Variants in OOSP2 observed in about 807,000 individuals in gnomAD.
OOSP2 encodes the protein oocyte secreted protein 2.
In OOSP2, 7 loss-of-function variants were observed where a neutral mutation model predicts 13.4. That is an observed-to-expected ratio of 0.52 (90% CI 0.30 to 0.98). The LOEUF is 0.98. Among genes scored for constraint, OOSP2 ranks in the 50% least tolerant of loss-of-function variants. The pLI, the probability that OOSP2 is intolerant of heterozygous loss-of-function variation, is 0.07. For missense variants in OOSP2, 184 were observed against 188.5 expected (o/e 0.98, Z 0.14); for synonymous variants, 75 against 67.2 (o/e 1.12, Z -0.57).
rs1046199866 is a variant in OOSP2, at chr11:60,047,779, C to T, written c.*706C>T. ...AAAGAGTTATCCTGCCACCTAAGAG[C>T]ATTCATTAAATGATTATTTATTACC... On this transcript the variant is annotated 3_prime_UTR_variant, in exon 4 of 4. Coordinates refer to ENST00000278855, the MANE Select transcript of OOSP2 (RefSeq NM_173801.5). 3 of 152,136 alleles carry T rather than the reference C, an allele frequency of 2.0e-5. No individual in the cohort carries two copies. Among genetic ancestry groups the T allele is most frequent in the African/African-American group, 7.2e-5 (3 of 41,440 alleles). The allele number at this position is 152,136 out of a possible 1,614,324, so 9.4% of individuals were successfully genotyped here.
rs28438543 is a variant in OOSP2, at chr11:60,042,138, A to C, written c.65-1331A>C. Among the ~76,000 whole-genome samples, 1,418 of 151,866 alleles carry C rather than the reference A, an allele frequency of 9.3e-3. 35 individuals are homozygous for C. Among genetic ancestry groups the C allele is most frequent in the East Asian group, 7.2e-3 (37 of 5,144 alleles). On this transcript the variant is annotated intron_variant, in intron 1 of 3. Coordinates refer to ENST00000278855, the MANE Select transcript of OOSP2 (RefSeq NM_173801.5). ...CGTCTCAAAACAAACAAACAAAAAAACCCCCCCAAAACTCGACTTTCTAAT... is the reference window on the plus strand; with the variant it reads ...CGTCTCAAAACAAACAAACAAAAAACCCCCCCCAAAACTCGACTTTCTAAT...
chr11:60,043,119 C>T (rs371140193), intron 1 of OOSP2, among the ~76,000 whole-genome samples: 265 of 151,994 alleles, frequency 1.7e-3, no homozygotes, highest in Middle Eastern at 6.8e-3. Flanking sequence ...TTAGCCAGGA[C>T]GGTCTCGATC....
intron 3 of OOSP2, 188 bp from the exon 4 acceptor site, chr11:60,046,756 C>A (rs761070334): frequency 5.6e-6 from 4 of 710,426 alleles, no homozygotes; most frequent in Admixed American, 3.8e-5. Flanking sequence ...GGAATTAGTT[C>A]TTCTGTAAGC....
intron 2 of OOSP2, 60 bp from the exon 3 acceptor site, chr11:60,044,611 T>G (rs1854985571): frequency 1.4e-6 from 1 of 737,780 alleles, no homozygotes. Context: ...CCTATTCAAG[T>G]GTGTGTATTC....
chr11:60,043,477 A>G lies in OOSP2; in HGVS notation c.73A>G (p.Ser25Gly). Reference protein sequence around the residue: ...TGAENLHVKISCSLDWLMVSV... With the variant: ...TGAENLHVKIGCSLDWLMVSV... ...TATGGTTCTTTCCACAGTGAAAATA[A>G]GTTGCTCTCTGGACTGGTTGATGGT... is the stretch of plus-strand genomic sequence containing the variant. Residue 25 changes from serine to glycine, a missense_variant, in exon 2 of 4, where the codon AGT (serine) becomes GGT (glycine). By Grantham distance (56) the Ser-to-Gly change is moderately conservative. Transcript: ENST00000278855. 1.9e-6 allele frequency: 3 copies of G among 1,610,414 alleles called. No homozygotes were observed. Among genetic ancestry groups the G allele is most frequent in the Non-Finnish European group, 2.5e-6 (3 of 1,176,902 alleles).
rs1478859895 is a variant in OOSP2, at chr11:60,047,373, T to A, written c.*300T>A. On this transcript the variant is annotated 3_prime_UTR_variant, in exon 4 of 4. Transcript: ENST00000278855. The stretch of plus-strand genomic sequence containing the variant: ...GAAATATGTCTTCAAAGACAATGAC[T>A]TGATCTAATTGATAAGAACCTCCAA... 1 of 182,802 alleles carries A rather than the reference T, an allele frequency of 5.5e-6. No homozygotes were observed. Among genetic ancestry groups the A allele is most frequent in the Admixed American group, 6.0e-5 (1 of 16,720 alleles). 11.3% of individuals were successfully genotyped at this position (182,802 alleles called of 1,614,324 possible).
intron 3 of OOSP2, among the ~76,000 whole-genome samples, chr11:60,046,419 T>C (rs1855009119): frequency 6.6e-6 from 1 of 151,140 alleles, no homozygotes; most frequent in Admixed American, 6.7e-5. Flanking sequence ...TAGTAACTAC[T>C]ATGTTGCTTG....
chr11:60,042,263 T>C (rs1192465607), intron 1 of OOSP2, among the ~76,000 whole-genome samples: 1 of 152,246 alleles, frequency 6.6e-6, no homozygotes, highest in Non-Finnish European at 1.5e-5. Flanking sequence ...GCTGCTGGAA[T>C]TTATTTTCCT....
In OOSP2 at chr11:60,040,441, T is replaced by C; in HGVS notation, c.-19T>C. ...CCTGAGTTGTCCTGTGCTGGAGGTCTGCTCAGACGAAGGTCTCCATGGCGT... is the reference window on the plus strand; with the variant it reads ...CCTGAGTTGTCCTGTGCTGGAGGTCCGCTCAGACGAAGGTCTCCATGGCGT... On this transcript the variant is annotated 5_prime_UTR_variant, in exon 1 of 4. Transcript: ENST00000278855. 3.9e-6 allele frequency: 6 copies of C among 1,521,500 alleles called. No homozygotes were observed. Among genetic ancestry groups the C allele is most frequent in the Non-Finnish European group, 5.5e-6 (6 of 1,095,258 alleles). The allele number at this position is 1,521,500 out of a possible 1,614,324, so 94.2% of individuals were successfully genotyped here. A position where few individuals can be genotyped will look rare whatever the true frequency, so the allele number is the denominator to read the frequency against.
intron 1 of OOSP2, among the ~76,000 whole-genome samples, chr11:60,040,781 A>G (rs542767464): frequency 1.7e-4 from 26 of 152,160 alleles, no homozygotes; most frequent in Admixed American, 3.9e-4. Context: ...TCATTTTCAG[A>G]GGTTCTTCAG....
At position 60,047,051 on chromosome 11, in the gene OOSP2, C is replaced by A. The variant is rs200996938; in HGVS notation, c.455C>A (p.Ser152Tyr). Residue 152 changes from serine to tyrosine, a missense_variant, in exon 4 of 4, where the codon TCT (serine) becomes TAT (tyrosine). Ser to Tyr is a moderately radical substitution (Grantham distance 144). Coordinates refer to ENST00000278855, the MANE Select transcript of OOSP2 (RefSeq NM_173801.5). ...ACAGCAGAAGAGTTAGGATTATTATCTTCTAGTCCAAACTTGCTCTGAGCT... is the reference window on the plus strand; with the variant it reads ...ACAGCAGAAGAGTTAGGATTATTATATTCTAGTCCAAACTTGCTCTGAGCT... ...QTTAEELGLLSSSPNLL is the reference protein window; with the variant it reads ...QTTAEELGLLYSSPNLL 2.2e-5 allele frequency: 35 copies of A among 1,610,996 alleles called. No individual in the cohort carries two copies. The East Asian group carries it at 7.8e-4, about 36-fold the overall frequency.
intron 1 of OOSP2, among the ~76,000 whole-genome samples, chr11:60,043,142 A>G (rs1854959315): frequency 1.3e-5 from 2 of 151,934 alleles, no homozygotes. Flanking sequence ...CTGACCTTGT[A>G]ATGCGCCCGC....
In OOSP2 at chr11:60,043,613, T is replaced by A; in HGVS notation, c.209T>A (p.Ile70Lys). 2 of 1,607,726 alleles carry A rather than the reference T, an allele frequency of 1.2e-6. No homozygotes were observed. The highest frequency in any genetic ancestry group is 1.7e-6 in the Non-Finnish European group (2 of 1,174,442). Residue 70 changes from isoleucine (I) to lysine (K), a missense_variant, in exon 2 of 4, where the codon ATA becomes AAA. Transcript: ENST00000278855. ...ATACATACATATGTATATGAGTTTA[T>A]ATATCTTGTTCGTGATTGTGGCATC... ...NRIHTYVYEF[I>K]YLVRDCGIRT...
intron 3 of OOSP2, 86 bp from the exon 4 acceptor site, chr11:60,046,858 A>G: frequency 1.9e-6 from 2 of 1,044,118 alleles, no homozygotes; most frequent in Non-Finnish European, 3.0e-6. Context: ...ACTATTCTGT[A>G]TATGATCATG....
Position 60,047,167 on chromosome 11 carries a change from C to T in OOSP2, c.*94C>T. The T allele has an allele frequency of 9.5e-7, 1 of 1,049,172 alleles. No homozygotes were observed. Among genetic ancestry groups the T allele is most frequent in the Non-Finnish European group, 1.4e-6 (1 of 713,130 alleles). The allele number at this position is 1,049,172 out of a possible 1,614,324, so 65.0% of individuals were successfully genotyped here. A position where few individuals can be genotyped will look rare whatever the true frequency, so the allele number is the denominator to read the frequency against. On this transcript the variant is annotated 3_prime_UTR_variant, in exon 4 of 4. Coordinates refer to ENST00000278855, the MANE Select transcript of OOSP2 (RefSeq NM_173801.5). ...TAGCAAAAATATAGTTGGTGTATAT[C>T]TCTCCTTAAGTCTCTGGTTTCTAAA...
intron 1 of OOSP2, 35 bp from the exon 2 acceptor site, chr11:60,043,434 C>T: frequency 3.5e-6 from 5 of 1,443,378 alleles, no homozygotes; most frequent in Non-Finnish European, 4.8e-6. Flanking sequence ...AAGATAGACA[C>T]CCTTCTGATG....
intron 1 of OOSP2, among the ~76,000 whole-genome samples, chr11:60,042,910 A>AT (rs968085693): frequency 6.9e-4 from 102 of 147,398 alleles, no homozygotes; most frequent in African/African-American, 2.0e-3. Flanking sequence ...TTTCTTTCTT[A>AT]TTTTTTTTTT....
Position 60,043,405 on chromosome 11 carries a change from ATTC to A in OOSP2, c.65-61_65-59del, listed in dbSNP as rs1854963416. 6 of 1,053,744 alleles carry A rather than the reference ATTC, an allele frequency of 5.7e-6. No individual in the cohort carries two copies. In the Admixed American group the frequency reaches 1.2e-4, roughly 20 times the overall value. The allele number at this position is 1,053,744 out of a possible 1,614,324, so 65.3% of individuals were successfully genotyped here. Reference sequence around the variant, plus strand: ...TTTATCACAGAGGGCAGAGTTGACTATTCTTTGAACACTTTCTTAAGATAGACA... The same window carrying A: ...TTTATCACAGAGGGCAGAGTTGACTATTTGAACACTTTCTTAAGATAGACA... On this transcript the variant is annotated intron_variant, in intron 1 of 3. Coordinates refer to ENST00000278855, the MANE Select transcript of OOSP2 (RefSeq NM_173801.5).
At position 60,047,272 on chromosome 11, in the gene OOSP2, C is replaced by T; in HGVS notation, c.*199C>T. ...ATATTTGTATTCAGTAGGGGTATGG[C>T]TGATTAATTTAACATTAACTATTAG... is the stretch of plus-strand genomic sequence containing the variant. On this transcript the variant is annotated 3_prime_UTR_variant, in exon 4 of 4. Coordinates refer to ENST00000278855, the MANE Select transcript of OOSP2 (RefSeq NM_173801.5). 2.3e-6 allele frequency: 1 copy of T among 443,316 alleles called. No individual in the cohort carries two copies. The highest frequency in any genetic ancestry group is 3.6e-5 in the East Asian group (1 of 27,934). 27.5% of individuals were successfully genotyped at this position (443,316 alleles called of 1,614,324 possible). A position where few individuals can be genotyped will look rare whatever the true frequency, so the allele number is the denominator to read the frequency against.
Sources: gnomAD v4.1 joint callset for allele counts (sites outside exome capture counted in the v4.1 genomes callset) on GRCh38, gnomAD v4.1.1 for gene constraint, MANE v1.5 for transcripts, NCBI Gene and HGNC (gene_info 2026-07-23, HGNC 2026-07-21) for gene names.